The following DNER variants were observed in gnomAD, a reference collection of about 807,000 sequenced individuals.
DNER encodes the protein delta/notch like EGF repeat containing, also known as delta and Notch-like epidermal growth factor-related receptor.
In DNER, 33 loss-of-function variants were observed where a neutral mutation model predicts 78.2. The observed-to-expected ratio is 0.42, with a 90% confidence interval of 0.32 to 0.56. DNER has a LOEUF of 0.56. Among genes scored for constraint, DNER ranks in the 20% least tolerant of loss-of-function variants. The pLI is 0.11. For missense variants in DNER, 918 were observed against 975.3 expected (o/e 0.94, Z 0.78); for synonymous variants, 417 against 384.8 (o/e 1.08, Z -0.98).
chr2:229,435,603 C>G (rs1179240915), intron 8 of DNER, among the ~76,000 whole-genome samples: 4 of 152,142 alleles, frequency 2.6e-5, no homozygotes, highest in Non-Finnish European at 4.4e-5. Flanking sequence ...AAAGAGGAGT[C>G]TTCTCAAAAT....
chr2:229,704,847 T>C (rs1360888438), intron 1 of DNER, among the ~76,000 whole-genome samples: 2 of 152,278 alleles, frequency 1.3e-5, no homozygotes, highest in Non-Finnish European at 2.9e-5. Context: ...GAATCCTTTG[T>C]AGAAGAAGCA....
At chr2:229,548,791 G>T (rs28507331) in intron 4 of DNER, among the ~76,000 whole-genome samples, 4,481 of 152,198 alleles carry the variant, frequency 0.029, 195 homozygotes, top group African/African-American at 0.094. Flanking sequence ...AAAACTTCAA[G>T]TGGAAAATAT....
At chr2:229,548,109 C>T (rs139672772) in intron 4 of DNER, among the ~76,000 whole-genome samples, 131 of 152,208 alleles carry the variant, frequency 8.6e-4, no homozygotes, top group African/African-American at 3.0e-3. Context: ...GATAGTTTTA[C>T]AACAAAAGAT....
intron 8 of DNER, among the ~76,000 whole-genome samples, chr2:229,438,531 T>C (rs1694172402): frequency 6.6e-6 from 1 of 152,166 alleles, no homozygotes; most frequent in Non-Finnish European, 1.5e-5. Flanking sequence ...GGGGGGCAAG[T>C]AAGAGAAAAT....
In DNER at chr2:229,675,981, T is replaced by C. The variant is rs112758023; in HGVS notation, c.276+38167A>G. Among the ~76,000 whole-genome samples the C allele has an allele frequency of 4.5e-3, 689 of 152,290 alleles. 5 individuals carry two copies. The highest frequency in any genetic ancestry group is 0.016 in the African/African-American group (669 of 41,572). On this transcript the variant is annotated intron_variant, in intron 1 of 12. Coordinates refer to ENST00000341772, the MANE Select transcript of DNER (RefSeq NM_139072.4). ...GGTTTCCAGGAGAAGGAAGCTGCAGTTCTCTCTGGCTGTGCTGCTGCTCAT... is the reference window on the plus strand; with the variant it reads ...GGTTTCCAGGAGAAGGAAGCTGCAGCTCTCTCTGGCTGTGCTGCTGCTCAT...
chr2:229,426,850 C>A (rs909291072), intron 8 of DNER, among the ~76,000 whole-genome samples: 1 of 152,216 alleles, frequency 6.6e-6, no homozygotes, highest in Non-Finnish European at 1.5e-5. Flanking sequence ...TTCTGTCACA[C>A]ACACACACAC....
intron 11 of DNER, among the ~76,000 whole-genome samples, chr2:229,381,800 C>G (rs764729545): frequency 1.3e-5 from 2 of 152,180 alleles, no homozygotes; most frequent in African/African-American, 4.8e-5. Context: ...AGATAAAACT[C>G]CCATCTCCCT....
At chr2:229,593,600 T>A (rs986394683) in intron 1 of DNER, among the ~76,000 whole-genome samples, 28 of 152,282 alleles carry the variant, frequency 1.8e-4, no homozygotes, top group African/African-American at 6.3e-4. Context: ...TTAAAAAAAA[T>A]TGTTGGAAAA....
chr2:229,675,646 T>C (rs1699288740), intron 1 of DNER, among the ~76,000 whole-genome samples: 1 of 152,158 alleles, frequency 6.6e-6, no homozygotes, highest in African/African-American at 2.4e-5. Flanking sequence ...ACTCCAGGCC[T>C]GCCCCAGCCA....
intron 8 of DNER, among the ~76,000 whole-genome samples, chr2:229,436,947 A>G (rs932095261): frequency 6.6e-6 from 1 of 152,242 alleles, no homozygotes; most frequent in African/African-American, 2.4e-5. Flanking sequence ...ACACATATCA[A>G]TACTAACCTT....
chr2:229,540,905 C>T (rs1041159512), intron 5 of DNER, among the ~76,000 whole-genome samples: 4 of 152,174 alleles, frequency 2.6e-5, no homozygotes, highest in African/African-American at 9.7e-5. Context: ...AGTGAGGTTT[C>T]TAGGGAGTCT....
intron 8 of DNER, among the ~76,000 whole-genome samples, chr2:229,430,219 G>T (rs1693975257): frequency 1.3e-5 from 2 of 152,124 alleles, no homozygotes; most frequent in Non-Finnish European, 2.9e-5. Context: ...GTATATTCAT[G>T]TTTTCTAATT....
At chr2:229,693,219 T>C (rs1699610035) in intron 1 of DNER, among the ~76,000 whole-genome samples, 1 of 151,708 alleles carries the variant, frequency 6.6e-6, no homozygotes, top group Non-Finnish European at 1.5e-5. Flanking sequence ...GCTTGACATT[T>C]CTCCTTGATG....
chr2:229,669,832 A>G (rs1266047796), intron 1 of DNER, among the ~76,000 whole-genome samples: 1 of 152,234 alleles, frequency 6.6e-6, no homozygotes, highest in Non-Finnish European at 1.5e-5. Flanking sequence ...AAGAAATGGG[A>G]AAAAGATCAT....
At chr2:229,581,968 A>C (rs936203777) in intron 4 of DNER, among the ~76,000 whole-genome samples, 2 of 152,192 alleles carry the variant, frequency 1.3e-5, no homozygotes, top group Non-Finnish European at 2.9e-5. Flanking sequence ...AATGGGAAGC[A>C]GGAGACAGTC....
chr2:229,641,976 G>A (rs1698633445), intron 1 of DNER, among the ~76,000 whole-genome samples: 6 of 152,316 alleles, frequency 3.9e-5, no homozygotes, highest in Middle Eastern at 3.4e-3. Context: ...ATTGGAAAGA[G>A]AGAGAAAGTA....
At chr2:229,582,928 C>T (rs1182485224) in intron 4 of DNER, among the ~76,000 whole-genome samples, 4 of 152,120 alleles carry the variant, frequency 2.6e-5, no homozygotes, top group Non-Finnish European at 4.4e-5. Flanking sequence ...CACGAGCCAC[C>T]GCGCCTGACC....
intron 8 of DNER, among the ~76,000 whole-genome samples, chr2:229,444,636 C>G (rs1694302604): frequency 6.6e-6 from 1 of 152,166 alleles, no homozygotes; most frequent in East Asian, 1.9e-4. Context: ...GGCCTGTAAT[C>G]CCAGCACTGT....
intron 7 of DNER, among the ~76,000 whole-genome samples, chr2:229,452,237 G>A (rs143562465): frequency 6.6e-6 from 1 of 152,228 alleles, no homozygotes; most frequent in East Asian, 1.9e-4. Flanking sequence ...GGTTGTGAAG[G>A]CCAATTTGTA....
Sources: gnomAD v4.1 joint callset for allele counts (sites outside exome capture counted in the v4.1 genomes callset) on GRCh38, gnomAD v4.1.1 for gene constraint, MANE v1.5 for transcripts, NCBI Gene and HGNC (gene_info 2026-07-23, HGNC 2026-07-21) for gene names.